PANX2: variants seen among roughly 807,000 people sequenced by gnomAD.
The protein encoded by PANX2 is pannexin 2.
In PANX2, 30 loss-of-function variants were observed where a neutral mutation model predicts 38.7. The observed-to-expected ratio is 0.78, with a 90% CI of 0.58 to 1.05. PANX2 has a LOEUF of 1.05. PANX2 is among the 50% of genes least tolerant of loss of function. The pLI is 0.00. For missense variants in PANX2, 880 were observed against 979.3 expected (o/e 0.90, Z 1.35); for synonymous variants, 539 against 472.1 (o/e 1.14, Z -1.84).
In PANX2 at chr22:50,177,747, C is replaced by T. The variant is rs772258276; in HGVS notation, c.1035C>T (p.Asn345=). Residue 345 remains asparagine (N), a synonymous_variant, in exon 2 of 3, where the codon AAC becomes AAT. Coordinates refer to ENST00000395842, the MANE Select transcript of PANX2 (RefSeq NM_052839.4). ...GCCGCTCGCAGTTCTGCGACATCAA[C>T]ATCCTGGCCATGTTCTGCAACGAGA... is the stretch of plus-strand genomic sequence containing the variant. The part of the protein sequence containing the change: ...QWRRSQFCDI[N]ILAMFCNENR... The T allele has an allele frequency of 1.1e-5, 18 of 1,609,332 alleles. No homozygotes were observed. Among genetic ancestry groups the T allele is most frequent in the Non-Finnish European group, 1.5e-5 (18 of 1,179,680 alleles).
chr22:50,175,349 C>A, intron 1 of PANX2: 1 of 599,076 alleles, frequency 1.7e-6, no homozygotes, highest in Non-Finnish European at 2.6e-6. Flanking sequence ...CCCATGTTGG[C>A]CACACATGCC....
In PANX2 at chr22:50,178,204, G is replaced by GCCCCCCCCCCCCCC; in HGVS notation, c.1497_1498insCCCCCCCCCCCCCC (p.Ala500ProfsTer61). ...CGACCCGGGCCCCGGCCCCGCCCCT[G>GCCCCCCCCCCCCCC]CCCCCGCCCCGCCGCCCGCCCCTGA... is the stretch of plus-strand genomic sequence containing the variant. On this transcript the variant is annotated frameshift_variant, in exon 2 of 3. Transcript: ENST00000395842. LOFTEE classifies it high-confidence loss of function. 1 of 1,319,960 alleles carries GCCCCCCCCCCCCCC rather than the reference G, an allele frequency of 7.6e-7. No homozygotes were observed. The highest frequency in any genetic ancestry group is 1.0e-6 in the Non-Finnish European group (1 of 1,004,482). The allele number at this position is 1,319,960 out of a possible 1,614,324, so 81.8% of individuals were successfully genotyped here. A position where few individuals can be genotyped will look rare whatever the true frequency, so the allele number is the denominator to read the frequency against.
intron 1 of PANX2, among the ~76,000 whole-genome samples, chr22:50,176,028 G>T (rs573443739): frequency 2.0e-5 from 3 of 152,212 alleles, no homozygotes; most frequent in African/African-American, 4.8e-5. Context: ...GCTGAGGCTG[G>T]TGTGGGCCTC....
At position 50,177,273 on chromosome 22, in the gene PANX2, C is replaced by T; in HGVS notation, c.561C>T (p.Ile187=). ...EKQIQSKGPG[I]TEREKREIIE... is the part of the protein sequence containing the mutation. ...AGATCCAGTCCAAGGGCCCGGGCAT[C>T]ACGGAGCGCGAGAAGCGCGAGATCA... Residue 187 remains isoleucine, a synonymous_variant, in exon 2 of 3, where the codon ATC becomes ATT. Transcript: ENST00000395842. 2.5e-6 allele frequency: 4 copies of T among 1,612,352 alleles called. No individual in the cohort carries two copies. Among genetic ancestry groups the T allele is most frequent in the Non-Finnish European group, 3.4e-6 (4 of 1,179,760 alleles).
Position 50,170,902 on chromosome 22 carries a change from A to G in PANX2, c.172A>G (p.Thr58Ala). The G allele has an allele frequency of 6.6e-7, 1 of 1,525,884 alleles. No individual in the cohort carries two copies. The highest frequency in any genetic ancestry group is 8.8e-7 in the Non-Finnish European group (1 of 1,135,822). The allele number at this position is 1,525,884 out of a possible 1,614,324, so 94.5% of individuals were successfully genotyped here. A position where few individuals can be genotyped will look rare whatever the true frequency, so the allele number is the denominator to read the frequency against. The change falls in exon 1 of 3, where the codon ACC becomes GCC. Residue 58 changes from threonine to alanine, a missense_variant. Transcript: ENST00000395842. Reference sequence around the variant, plus strand: ...GTTCGACCGGGTGGTCACCATCGGCACCGTGCTGGTGCCCATCCTGCTGGT... The same window carrying G: ...GTTCGACCGGGTGGTCACCATCGGCGCCGTGCTGGTGCCCATCCTGCTGGT... ...LPFDRVVTIG[T>A]VLVPILLVTL...
chr22:50,173,062 A>T (rs1204577422), intron 1 of PANX2, among the ~76,000 whole-genome samples: 1 of 148,890 alleles, frequency 6.7e-6, no homozygotes, highest in Admixed American at 6.6e-5. Context: ...ATGCCCGGCT[A>T]ATTTTTTGTA....
rs1169280474 is a variant in PANX2, at chr22:50,177,027, C to T, written c.315C>T (p.Asp105=). The T allele has an allele frequency of 3.1e-6, 5 of 1,605,474 alleles. No individual in the cohort carries two copies. Among genetic ancestry groups the T allele is most frequent in the East Asian group, 2.2e-5 (1 of 44,690 alleles). The change falls in exon 2 of 3, where the codon GAC becomes GAT. Residue 105 remains aspartate (D), a synonymous_variant. Transcript: ENST00000395842. The stretch of plus-strand genomic sequence containing the variant: ...GCTACTGCTGGACGGAGCTGCGGGA[C>T]GCGCTGCCCGGCGTGGACGCCAGCC... ...ARGYCWTELR[D]ALPGVDASLW... is the part of the protein sequence containing the mutation.
chr22:50,170,970 C>A lies in PANX2; in HGVS notation c.226+14C>A. On this transcript the variant is annotated intron_variant, in intron 1 of 2. Transcript: ENST00000395842. Reference sequence around the variant, plus strand: ...AGAACTTCGCAGGTGAGGCCGGCGGCCGGGGCGCGGGGCGCGGGCAGAGGG... The same window carrying A: ...AGAACTTCGCAGGTGAGGCCGGCGGACGGGGCGCGGGGCGCGGGCAGAGGG... 6.9e-7 allele frequency: 1 copy of A among 1,447,786 alleles called. No individual in the cohort carries two copies. Among genetic ancestry groups the A allele is most frequent in the South Asian group, 1.3e-5 (1 of 75,994 alleles). The allele number at this position is 1,447,786 out of a possible 1,614,324, so 89.7% of individuals were successfully genotyped here. A position where few individuals can be genotyped will look rare whatever the true frequency, so the allele number is the denominator to read the frequency against.
At position 50,178,377 on chromosome 22, in the gene PANX2, A is replaced by G. The variant is rs5771206; in HGVS notation, c.1665A>G (p.Leu555=). 0.64 allele frequency: 925,100 copies of G among 1,448,638 alleles called. 297,179 individuals are homozygous for G. The highest frequency in any genetic ancestry group is 0.66 in the Non-Finnish European group (727,590 of 1,108,096). The allele number at this position is 1,448,638 out of a possible 1,614,324, so 89.7% of individuals were successfully genotyped here. ...TGTCCCAGGCGGAGGACTGTGGGCT[A>G]GGCCTGGCCCCGGCGCCCATCAAAG... ...GFLSQAEDCG[L]GLAPAPIKDA... Residue 555 remains leucine, a synonymous_variant, in exon 2 of 3, where the codon CTA becomes CTG. Transcript: ENST00000395842.
chr22:50,178,289 AGGCCAAGGC>A lies in PANX2; in HGVS notation c.1578_1586del (p.Lys526_Ala529delinsAsn). Reference sequence around the variant, plus strand: ...CACCCCTACATCCTCGGCACCAAGAAGGCCAAGGCCGAGGCGGTGCCCGCCGCCCTGCCC... The same window carrying A: ...CACCCCTACATCCTCGGCACCAAGAACGAGGCGGTGCCCGCCGCCCTGCCC... On this transcript the variant is annotated inframe_deletion, in exon 2 of 3. Transcript: ENST00000395842. 6.5e-7 allele frequency: 1 copy of A among 1,530,242 alleles called. No individual in the cohort carries two copies. The highest frequency in any genetic ancestry group is 8.7e-7 in the Non-Finnish European group (1 of 1,144,624). The allele number at this position is 1,530,242 out of a possible 1,614,324, so 94.8% of individuals were successfully genotyped here.
intron 1 of PANX2, 111 bp from the exon 2 acceptor site, chr22:50,176,827 TG>T: frequency 8.5e-7 from 1 of 1,176,150 alleles, no homozygotes; most frequent in Non-Finnish European, 1.2e-6. Context: ...GGGAGGAGGC[TG>T]GAGAGGCTCC....
intron 1 of PANX2, among the ~76,000 whole-genome samples, chr22:50,171,375 G>A (rs116217480): frequency 1.3e-5 from 2 of 152,168 alleles, no homozygotes; most frequent in Non-Finnish European, 2.9e-5. Context: ...TGGAGCTGCC[G>A]GGCAGGGTTC....
chr22:50,178,490 G>A (rs966445042), intron 2 of PANX2, 88 bp downstream of exon 2: 27 of 933,058 alleles, frequency 2.9e-5, no homozygotes, highest in East Asian at 1.2e-4. Context: ...CCTGGCCAGG[G>A]CGCTAGGGAA....
rs185079396 is a variant in PANX2, at chr22:50,179,014, G to C, written c.1771G>C (p.Val591Leu). ...AGLPSGGPFHVRSPPAAPAVA... is the reference protein window; with the variant it reads ...AGLPSGGPFHLRSPPAAPAVA... ...GCTTCCCTCGGGGGGCCCGTTCCAC[G>C]TCCGCTCACCTCCCGCCGCCCCTGC... The change falls in exon 3 of 3, where the codon GTC becomes CTC. Residue 591 changes from valine (V) to leucine (L), a missense_variant. This residue lies in a region of PANX2 where 445 missense variants were observed against 404.3 expected (regional missense o/e 1.10). Transcript: ENST00000395842. 1 of 1,610,546 alleles carries C rather than the reference G, an allele frequency of 6.2e-7. No individual in the cohort carries two copies. Among genetic ancestry groups the C allele is most frequent in the South Asian group, 1.1e-5 (1 of 90,906 alleles).
intron 1 of PANX2, among the ~76,000 whole-genome samples, chr22:50,172,688 A>ACCC (rs1233239585): frequency 2.6e-5 from 4 of 151,084 alleles, no homozygotes; most frequent in Non-Finnish European, 5.9e-5. Context: ...TACAGGCGTG[A>ACCC]GCCACTGTGC....
chr22:50,175,359 C>A, intron 1 of PANX2: 2 of 744,988 alleles, frequency 2.7e-6, no homozygotes, highest in Non-Finnish European at 3.9e-6. Flanking sequence ...CCACACATGC[C>A]CAGCAAGGGT....
Position 50,179,514 on chromosome 22 carries a change from G to A in PANX2, c.*237G>A, listed in dbSNP as rs557121857. The A allele has an allele frequency of 2.4e-4, 131 of 538,104 alleles. No homozygotes were observed. Among genetic ancestry groups the A allele is most frequent in the Non-Finnish European group, 3.7e-4 (114 of 304,068 alleles). 33.3% of individuals were successfully genotyped at this position (538,104 alleles called of 1,614,324 possible). A position where few individuals can be genotyped will look rare whatever the true frequency, so the allele number is the denominator to read the frequency against. The stretch of plus-strand genomic sequence containing the variant: ...TGGGGAAAGGTGGCCCAGTGGAGCC[G>A]GTGGCCAGGAAGGCTGAAGCCCGCT... On this transcript the variant is annotated 3_prime_UTR_variant, in exon 3 of 3. Coordinates refer to ENST00000395842, the MANE Select transcript of PANX2 (RefSeq NM_052839.4).
At position 50,171,853 on chromosome 22, in the gene PANX2, G is replaced by C. The variant is rs79526629; in HGVS notation, c.226+897G>C. Among the ~76,000 whole-genome samples the C allele has an allele frequency of 2.7e-3, 401 of 146,254 alleles. 1 individual carries two copies. The highest frequency in any genetic ancestry group is 9.1e-3 in the African/African-American group (375 of 41,346). The stretch of plus-strand genomic sequence containing the variant: ...CAGCGGGGAGGGGTGTTGGGACCCT[G>C]GGGCCCTCTCTTCTGCAGCCTCCAA... On this transcript the variant is annotated intron_variant, in intron 1 of 2. Coordinates refer to ENST00000395842, the MANE Select transcript of PANX2 (RefSeq NM_052839.4).
intron 1 of PANX2, chr22:50,175,376 C>A: frequency 1.0e-6 from 1 of 968,018 alleles, no homozygotes; most frequent in Non-Finnish European, 1.4e-6. Context: ...GGGTGGCTGC[C>A]AGGGATGGGC....
Sources: gnomAD v4.1 joint callset for allele counts (sites outside exome capture counted in the v4.1 genomes callset) on GRCh38, gnomAD v4.1.1 for gene constraint, gnomAD v4.1.1 regional missense constraint, MANE v1.5 for transcripts, NCBI Gene and HGNC (gene_info 2026-07-23, HGNC 2026-07-21) for gene names.